Variants in TEX11 observed in about 807,000 individuals in gnomAD.
TEX11 encodes testis-expressed protein 11.
TEX11 carries 7 observed loss-of-function variants against 84.4 expected under a neutral mutation model. The observed-to-expected ratio is 0.08, with a 90% CI of 0.05 to 0.16. TEX11 has a LOEUF of 0.16. Among genes scored for constraint, TEX11 ranks in the 10% least tolerant of loss-of-function variants. The pLI is 1.00. For synonymous variants in TEX11, 264 were observed against 222.8 expected (o/e 1.18, Z -1.64); for missense variants, 551 against 660.5 (o/e 0.83, Z 1.82).
intron 13 of TEX11, among the ~76,000 whole-genome samples, chrX:70,692,741 T>G (rs778370041): frequency 9.0e-6 from 1 of 110,830 alleles, no homozygotes; most frequent in Non-Finnish European, 1.9e-5. Context: ...TTGGGTTGCC[T>G]TCCACATTTT....
chrX:70,679,245 A>G (rs914146455), intron 14 of TEX11, among the ~76,000 whole-genome samples: 15 of 111,675 alleles, frequency 1.3e-4, no homozygotes, highest in African/African-American at 4.9e-4. Flanking sequence ...TCCGTGCTCA[A>G]TGGTGCCCAG....
intron 4 of TEX11, among the ~76,000 whole-genome samples, chrX:70,867,854 A>C (rs2091607614): frequency 8.9e-6 from 1 of 111,927 alleles, no homozygotes; most frequent in Admixed American, 9.5e-5. Flanking sequence ...TTCTTTCCTT[A>C]CACCTTATAA....
intron 9 of TEX11, among the ~76,000 whole-genome samples, chrX:70,782,645 CA>C (rs780011355): frequency 0.16 from 4,636 of 28,598 alleles, 94 homozygotes; most frequent in Middle Eastern, 0.42. Flanking sequence ...AAATGGAAAG[CA>C]AAAAAAAAAA....
At chrX:70,575,803 A>C (rs188997256) in intron 25 of TEX11, among the ~76,000 whole-genome samples, 8 of 111,636 alleles carry the variant, frequency 7.2e-5, no homozygotes, top group Admixed American at 2.9e-4. Context: ...CTCCTGTATT[A>C]CTCCTGGCTT....
intron 8 of TEX11, among the ~76,000 whole-genome samples, chrX:70,820,334 T>G (rs1481186608): frequency 8.9e-6 from 1 of 112,162 alleles, no homozygotes; most frequent in East Asian, 2.8e-4. Flanking sequence ...GTCTCTTCAG[T>G]CAGTGTTGAT....
intron 9 of TEX11, among the ~76,000 whole-genome samples, chrX:70,799,300 CA>C (rs745688576): frequency 9.0e-6 from 1 of 111,170 alleles, no homozygotes; most frequent in Non-Finnish European, 1.9e-5. Context: ...GATTAGGAAA[CA>C]AAAAGAAGTC....
intron 7 of TEX11, among the ~76,000 whole-genome samples, chrX:70,848,057 CA>C (rs1488198963): frequency 2.7e-5 from 3 of 111,736 alleles, no homozygotes; most frequent in Non-Finnish European, 5.6e-5. Flanking sequence ...TACAGGCTTT[CA>C]CCAGTTCATG....
intron 16 of TEX11, among the ~76,000 whole-genome samples, chrX:70,660,990 C>A (rs1335082739): frequency 8.9e-6 from 1 of 112,405 alleles, no homozygotes; most frequent in Non-Finnish European, 1.9e-5. Flanking sequence ...AACTGAGGTA[C>A]TGGGTGCATC....
At chrX:70,513,515 G>A in the TEX11 span, among the ~76,000 whole-genome samples, 2 of 105,699 alleles carry the variant, frequency 1.9e-5, no homozygotes, top group Non-Finnish European at 3.9e-5. Context: ...TTTTGACATG[G>A]GATTGTCCTA....
chrX:70,562,665 T>C (rs1420708150), intron 25 of TEX11, among the ~76,000 whole-genome samples: 8 of 112,320 alleles, frequency 7.1e-5, no homozygotes, highest in Admixed American at 5.7e-4. Context: ...CACATCCTGA[T>C]TGATTTATTT....
At chrX:70,533,951 G>A (rs2087921475) in intron 28 of TEX11, among the ~76,000 whole-genome samples, 1 of 108,300 alleles carries the variant, frequency 9.2e-6, no homozygotes, top group Non-Finnish European at 1.9e-5. Flanking sequence ...AATTAGCTGG[G>A]CGTGGTGGCG....
At chrX:70,560,370 G>A (rs934835530) in intron 25 of TEX11, among the ~76,000 whole-genome samples, 2 of 110,327 alleles carry the variant, frequency 1.8e-5, no homozygotes, top group African/African-American at 6.6e-5. Flanking sequence ...GGCTGGTCTC[G>A]AACTCCCAAC....
At chrX:70,788,973 T>TATATATATAGAGAG (rs1211700739) in intron 9 of TEX11, among the ~76,000 whole-genome samples, 3 of 9,560 alleles carry the variant, frequency 3.1e-4, no homozygotes, top group Non-Finnish European at 5.4e-4. Flanking sequence ...TATATATATA[T>TATATATATAGAGAG]AGAGAGAGAG....
chrX:70,843,642 A>G (rs1180507517), intron 7 of TEX11, among the ~76,000 whole-genome samples: 1 of 111,791 alleles, frequency 8.9e-6, no homozygotes, highest in Non-Finnish European at 1.9e-5. Flanking sequence ...TCTGCACAGC[A>G]AAAGGAACTA....
At chrX:70,900,395 A>AAAAAG (rs1556245995) in intron 2 of TEX11, among the ~76,000 whole-genome samples, 12 of 60,085 alleles carry the variant, frequency 2.0e-4, no homozygotes, top group African/African-American at 5.6e-4. Context: ...AAAAAAAAAA[A>AAAAAG]AAGAAGAAGA....
chrX:70,765,068 C>T (rs1052531970), intron 9 of TEX11, among the ~76,000 whole-genome samples: 2 of 111,603 alleles, frequency 1.8e-5, no homozygotes, highest in African/African-American at 6.5e-5. Context: ...CAAAAATCCT[C>T]GACAAAATAT....
intron 17 of TEX11, among the ~76,000 whole-genome samples, chrX:70,647,101 G>A (rs781060912): frequency 9.0e-6 from 1 of 111,321 alleles, no homozygotes; most frequent in Non-Finnish European, 1.9e-5. Flanking sequence ...TATGAACCTC[G>A]AAGACATTAT....
intron 8 of TEX11, among the ~76,000 whole-genome samples, chrX:70,813,299 C>T (rs1051166903): frequency 9.0e-6 from 1 of 111,681 alleles, no homozygotes; most frequent in Admixed American, 9.6e-5. Context: ...TCAACATACG[C>T]AAATCAATGA....
chrX:70,790,914 TA>T (rs2091113990), intron 9 of TEX11, among the ~76,000 whole-genome samples: 1 of 112,398 alleles, frequency 8.9e-6, no homozygotes, highest in Non-Finnish European at 1.9e-5. Flanking sequence ...GCAAGTTGGA[TA>T]AAAAACAAGA....
Sources: gnomAD v4.1 joint callset for allele counts (sites outside exome capture counted in the v4.1 genomes callset) on GRCh38, gnomAD v4.1.1 for gene constraint, MANE v1.5 for transcripts, NCBI Gene and HGNC (gene_info 2026-07-23, HGNC 2026-07-21) for gene names.